Variants in ENOX1 observed in about 807,000 individuals in gnomAD.
The protein encoded by ENOX1 is ecto-NOX disulfide-thiol exchanger 1.
ENOX1 carries 42 observed loss-of-function variants against 82.5 expected under a neutral mutation model. The observed-to-expected ratio is 0.51, with a 90% CI of 0.40 to 0.66. The LOEUF is 0.66. Ranked by LOEUF, ENOX1 falls within the 30% of genes least tolerant of loss-of-function variation. The pLI, the probability that ENOX1 is intolerant of heterozygous loss-of-function variation, is 0.00. For missense variants in ENOX1, 608 were observed against 811.6 expected, an observed-to-expected ratio of 0.75 and a Z score of 3.05; for synonymous variants, 271 against 282.2, an observed-to-expected ratio of 0.96 and a Z score of 0.40.
chr13:43,458,947 A>G (rs188333735), intron 3 of ENOX1: 1 of 152,282 alleles, frequency 6.6e-6, no homozygotes, highest in East Asian at 1.9e-4. Flanking sequence ...TTATTGACAT[A>G]CTTTGGAAAA....
rs542180801 is a variant in ENOX1 at position 43,322,516 on chromosome 13, T to C, written c.1144-15A>G. 6.2e-7 allele frequency: 1 copy of C among 1,607,342 alleles called. No individual in the cohort carries two copies. Among genetic ancestry groups the C allele is most frequent in the Non-Finnish European group, 8.5e-7 (1 of 1,174,796 alleles). On this transcript the variant is annotated splice_polypyrimidine_tract_variant and intron_variant, in intron 10 of 16. Coordinates refer to ENST00000690772, the MANE Select transcript of ENOX1 (RefSeq NM_001347969.2). ...TTCCGGAGCTCCTGCAAGTAGAGGA[T>C]ACACAAATGTCAGAGTCACAGACAC...
In ENOX1 at chr13:43,269,522, G is replaced by T; in HGVS notation, c.1502C>A (p.Ala501Glu). The change falls in exon 13 of 17, where the codon GCA becomes GAA. Residue 501 changes from alanine (A) to glutamate (E), a missense_variant. Physicochemically the swap from Ala to Glu is moderately radical, Grantham distance 107 (BLOSUM62 -1). Transcript: ENST00000690772. ...TTGTGTATGGGACTGCTCTTCCTTTGCTTGTTCCAATTCTGACTTTTTGTT... is the reference window on the plus strand; with the variant it reads ...TTGTGTATGGGACTGCTCTTCCTTTTCTTGTTCCAATTCTGACTTTTTGTT... ...LNNKKSELEQ[A>E]KEEQSHTQAL... is the part of the protein sequence containing the mutation. The T allele has an allele frequency of 1.2e-6, 2 of 1,613,940 alleles. No homozygotes were observed. Among genetic ancestry groups the T allele is most frequent in the South Asian group, 2.2e-5 (2 of 91,072 alleles).
At position 43,356,027 on chromosome 13, in the gene ENOX1, C is replaced by T. The variant is rs1248242415; in HGVS notation, c.715G>A (p.Glu239Lys). 1.9e-6 allele frequency: 3 copies of T among 1,614,150 alleles called. No homozygotes were observed. Among genetic ancestry groups the T allele is most frequent in the Non-Finnish European group, 2.5e-6 (3 of 1,180,042 alleles). Residue 239 changes from glutamate to lysine, a missense_variant, in exon 8 of 17, where the codon GAG becomes AAG. By Grantham distance (56) the Glu-to-Lys change is moderately conservative. Transcript: ENST00000690772. ...ECKQRMRARE[E>K]RHRRKLEEDR... ...TCCTCCAGCTTGCGCCGGTGCCGCT[C>T]CTCCCGGGCACGCATCCTCTGCTTG...
chr13:43,350,123 G>A (rs915912032), intron 8 of ENOX1, among the ~76,000 whole-genome samples: 7 of 152,258 alleles, frequency 4.6e-5, no homozygotes, highest in East Asian at 1.9e-4. Flanking sequence ...CAAATAATTC[G>A]TCTCTGTAAC....
At chr13:43,548,189 CAT>C (rs1275714889) in intron 2 of ENOX1, 1 of 152,154 alleles carries the variant, frequency 6.6e-6, no homozygotes, top group African/African-American at 2.4e-5. Context: ...TTTCAGAAGG[CAT>C]AGTTATTTGG....
intron 2 of ENOX1, among the ~76,000 whole-genome samples, chr13:43,645,077 T>C (rs2083832320): frequency 1.3e-5 from 2 of 152,160 alleles, no homozygotes; most frequent in African/African-American, 4.8e-5. Flanking sequence ...TATCAAATAA[T>C]AGTTTTCCCA....
intron 2 of ENOX1, among the ~76,000 whole-genome samples, chr13:43,613,854 C>A (rs923483340): frequency 6.6e-6 from 1 of 151,986 alleles, no homozygotes; most frequent in Non-Finnish European, 1.5e-5. Flanking sequence ...TCGCTTGAGC[C>A]CCGGAGGCGG....
chr13:43,539,983 G>T (rs1181836439), intron 2 of ENOX1, among the ~76,000 whole-genome samples: 1 of 152,066 alleles, frequency 6.6e-6, no homozygotes, highest in Non-Finnish European at 1.5e-5. Context: ...GCTAGGTGGA[G>T]AGCATTAGTA....
chr13:43,515,213 A>C (rs1324015248), intron 2 of ENOX1, among the ~76,000 whole-genome samples: 1 of 152,112 alleles, frequency 6.6e-6, no homozygotes, highest in Admixed American at 6.6e-5. Flanking sequence ...AATGTCTCTC[A>C]AAAATTCTCA....
chr13:43,367,597 G>A (rs2153564905), intron 5 of ENOX1, among the ~76,000 whole-genome samples: 1 of 152,274 alleles, frequency 6.6e-6, no homozygotes. Flanking sequence ...ATCCTTCAGT[G>A]AGAACAAGGC....
At chr13:43,453,323 A>G (rs963580749) in intron 3 of ENOX1, among the ~76,000 whole-genome samples, 14 of 152,180 alleles carry the variant, frequency 9.2e-5, no homozygotes, top group African/African-American at 3.4e-4. Context: ...AGGGAGCAGT[A>G]CCTCTGGGCT....
At chr13:43,325,502 G>A (rs2048059446) in intron 10 of ENOX1, among the ~76,000 whole-genome samples, 1 of 152,048 alleles carries the variant, frequency 6.6e-6, no homozygotes, top group East Asian at 1.9e-4. Context: ...CCAAATGATT[G>A]ATATCATAGT....
At chr13:43,370,488 A>G (rs1046366216) in intron 5 of ENOX1, among the ~76,000 whole-genome samples, 2 of 152,178 alleles carry the variant, frequency 1.3e-5, no homozygotes, top group Non-Finnish European at 2.9e-5. Flanking sequence ...TCAGGGATGT[A>G]CACAGGGTTA....
intron 5 of ENOX1, among the ~76,000 whole-genome samples, chr13:43,398,870 A>T (rs537088574): frequency 6.7e-6 from 1 of 148,876 alleles, no homozygotes; most frequent in South Asian, 2.1e-4. Context: ...ATCATGGTTC[A>T]CTGTAGCCTC....
At chr13:43,335,322 C>T (rs76635039) in intron 9 of ENOX1, among the ~76,000 whole-genome samples, 1 of 152,188 alleles carries the variant, frequency 6.6e-6, no homozygotes, top group Non-Finnish European at 1.5e-5. Flanking sequence ...TTCAGTTACG[C>T]AGAGTCAAGA....
intron 2 of ENOX1, among the ~76,000 whole-genome samples, chr13:43,666,788 G>A (rs1360914045): frequency 6.6e-6 from 1 of 152,080 alleles, no homozygotes; most frequent in Non-Finnish European, 1.5e-5. Flanking sequence ...TCCTAATGTG[G>A]GTCTATCTAT....
At chr13:43,651,970 CAAAAAAAAA>C (rs35793831) in intron 2 of ENOX1, among the ~76,000 whole-genome samples, 122 of 84,118 alleles carry the variant, frequency 1.5e-3, no homozygotes, top group Non-Finnish European at 5.4e-4. Context: ...AACTTCGTCT[CAAAAAAAAA>C]AAAAAAAAAA....
At chr13:43,463,922 G>A (rs2057603558) in intron 3 of ENOX1, among the ~76,000 whole-genome samples, 1 of 152,158 alleles carries the variant, frequency 6.6e-6, no homozygotes, top group Non-Finnish European at 1.5e-5. Context: ...TACCTACTAT[G>A]TGCAGGTACT....
chr13:43,668,847 G>T (rs563572593), intron 1 of ENOX1, among the ~76,000 whole-genome samples: 1 of 152,204 alleles, frequency 6.6e-6, no homozygotes, highest in Non-Finnish European at 1.5e-5. Context: ...GAAGCAGTCC[G>T]CCTACAGGTA....
Sources: allele counts gnomAD v4.1 joint callset (sites outside exome capture counted in the v4.1 genomes callset), GRCh38; gene constraint gnomAD v4.1.1; transcripts MANE v1.5; gene names NCBI Gene and HGNC (gene_info 2026-07-23, HGNC 2026-07-21).